The following RMST variants were observed in gnomAD, a reference collection of about 807,000 sequenced individuals.
RMST encodes rhabdomyosarcoma 2 associated transcript, also known as long intergenic non-protein coding RNA 54.
chr12:97,469,141 AGTGTGTGTGTGTGT>A (rs10585876), intron 5 of RMST, among the ~76,000 whole-genome samples: 12 of 138,380 alleles, frequency 8.7e-5, no homozygotes, highest in African/African-American at 1.3e-4. Context: ...AAGAGAAACC[AGTGTGTGTGTGTGT>A]GTGTGTGTGT....
rs537890656 is a variant in RMST, at chr12:97,484,491, A to G, written n.645-7970A>G. Among the ~76,000 whole-genome samples the G allele has an allele frequency of 3.9e-5, 6 of 152,326 alleles. 1 individual carries two copies. In the South Asian group the frequency reaches 1.2e-3, roughly 32 times the overall value. On this transcript the variant is annotated intron_variant and non_coding_transcript_variant, in intron 5 of 13. Transcript: ENST00000640149. ...GCTTCCTATGTGCCGAAACCCTTTT[A>G]CTATTCAGAGACAGCTATTTTTAAA...
intron 11 of RMST, among the ~76,000 whole-genome samples, chr12:97,552,436 G>A (rs929634940): frequency 1.3e-5 from 2 of 152,144 alleles, no homozygotes; most frequent in Admixed American, 6.5e-5. Context: ...GAATTCCTAG[G>A]ATTCCTAGTT....
intron 10 of RMST, among the ~76,000 whole-genome samples, chr12:97,512,063 T>G (rs1415405961): frequency 1.3e-5 from 2 of 152,152 alleles, no homozygotes; most frequent in Admixed American, 1.3e-4. Flanking sequence ...TGTTCAGATG[T>G]GTTCGGAGTT....
chr12:97,512,312 G>A (rs1388293548), intron 10 of RMST, among the ~76,000 whole-genome samples: 1 of 152,204 alleles, frequency 6.6e-6, no homozygotes, highest in African/African-American at 2.4e-5. Context: ...CAAAGAGTGA[G>A]CAGCAGCAAG....
chr12:97,476,249 T>TA (rs1202141773), intron 5 of RMST, among the ~76,000 whole-genome samples: 1 of 151,800 alleles, frequency 6.6e-6, no homozygotes, highest in African/African-American at 2.4e-5. Context: ...TGATAAAGAA[T>TA]AAAAAAAAGA....
At chr12:97,469,830 C>T (rs888066202) in intron 5 of RMST, among the ~76,000 whole-genome samples, 1 of 152,040 alleles carries the variant, frequency 6.6e-6, no homozygotes, top group Non-Finnish European at 1.5e-5. Flanking sequence ...CTCACAACTA[C>T]CTTGAGGCTT....
intron 11 of RMST, among the ~76,000 whole-genome samples, chr12:97,546,833 CTT>C (rs976008166): frequency 6.6e-6 from 1 of 151,948 alleles, no homozygotes; most frequent in Non-Finnish European, 1.5e-5. Context: ...AAAATCTACT[CTT>C]AGTGATTTTT....
chr12:97,562,645 T>C (rs2136678636), intron 13 of RMST, among the ~76,000 whole-genome samples: 1 of 152,350 alleles, frequency 6.6e-6, no homozygotes, highest in African/African-American at 2.4e-5. Context: ...AATTAGCATG[T>C]CTTTCTCCTT....
intron 5 of RMST, among the ~76,000 whole-genome samples, chr12:97,473,116 T>C (rs1056994600): frequency 2.0e-5 from 3 of 152,116 alleles, no homozygotes; most frequent in Non-Finnish European, 2.9e-5. Flanking sequence ...GAAGCAGTAT[T>C]AACAATCAAA....
Position 97,487,055 on chromosome 12 carries a change from A to G in RMST, n.645-5406A>G, listed in dbSNP as rs181557546. 2.0e-5 allele frequency among the ~76,000 whole-genome samples: 3 copies of G among 152,332 alleles called. No individual in the cohort carries two copies. The East Asian group carries it at 5.8e-4, about 29-fold the overall frequency. On this transcript the variant is annotated intron_variant and non_coding_transcript_variant, in intron 5 of 13. Coordinates refer to ENST00000640149, the Ensembl canonical transcript of RMST. ...TGATATGCAAATTGTTTCATTATGT[A>G]AAAAATAGCAGGGGTGAAACAATCA...
chr12:97,462,960 A>G (rs1321994645), intron 3 of RMST: 1 of 150,838 alleles, frequency 6.6e-6, no homozygotes, highest in Non-Finnish European at 1.5e-5. Flanking sequence ...GGCTTTGATC[A>G]TATTTGTTCA....
intron 10 of RMST, among the ~76,000 whole-genome samples, chr12:97,498,119 C>G (rs1877661782): frequency 6.6e-6 from 1 of 152,122 alleles, no homozygotes. Flanking sequence ...AAGTTTTAAG[C>G]AAAACCATTT....
chr12:97,467,638 G>A (rs1308391767), intron 5 of RMST, among the ~76,000 whole-genome samples: 2 of 151,852 alleles, frequency 1.3e-5, no homozygotes, highest in Middle Eastern at 3.2e-3. Flanking sequence ...TTGTCATTAT[G>A]TTCCTTTTCA....
intron 10 of RMST, among the ~76,000 whole-genome samples, chr12:97,505,140 A>G: frequency 6.6e-6 from 1 of 152,202 alleles, no homozygotes. Flanking sequence ...CTGACATGCA[A>G]ATTATTCAGC....
At chr12:97,499,741 C>A (rs1877879868) in intron 10 of RMST, among the ~76,000 whole-genome samples, 3 of 149,536 alleles carry the variant, frequency 2.0e-5, no homozygotes, top group Non-Finnish European at 2.9e-5. Flanking sequence ...CTCACTGCAG[C>A]TTCCACCTCC....
At chr12:97,527,000 T>C (rs1468589011) in intron 10 of RMST, among the ~76,000 whole-genome samples, 2 of 152,180 alleles carry the variant, frequency 1.3e-5, no homozygotes, top group East Asian at 1.9e-4. Flanking sequence ...CCAGAGCTAG[T>C]AAGCAAGGAG....
At chr12:97,553,408 G>T (rs1434492720) in intron 11 of RMST, among the ~76,000 whole-genome samples, 1 of 152,164 alleles carries the variant, frequency 6.6e-6, no homozygotes, top group Non-Finnish European at 1.5e-5. Context: ...TCCAGAATTT[G>T]TGTGGTGCTG....
At chr12:97,523,398 A>G (rs558339149) in intron 10 of RMST, among the ~76,000 whole-genome samples, 63 of 152,286 alleles carry the variant, frequency 4.1e-4, no homozygotes, top group Non-Finnish European at 6.6e-4. Flanking sequence ...GTTAGATAGG[A>G]GGAATAAGTT....
At chr12:97,561,170 T>C (rs1289827322) in intron 13 of RMST, 3 of 152,256 alleles carry the variant, frequency 2.0e-5, no homozygotes, top group African/African-American at 7.2e-5. Context: ...GTCAGGTTGT[T>C]GACAGATTTA....
Sources: allele counts gnomAD v4.1 joint callset (sites outside exome capture counted in the v4.1 genomes callset), GRCh38; gene constraint gnomAD v4.1.1; transcripts MANE v1.5; gene names NCBI Gene and HGNC (gene_info 2026-07-23, HGNC 2026-07-21).